Variants in PALS1 observed in about 807,000 individuals in gnomAD.
PALS1 encodes protein associated with LIN7 1, MAGUK p55 family member, also known as protein PALS1.
Under a neutral mutation model 78.9 loss-of-function variants are expected in PALS1, and 31 were observed. The observed-to-expected ratio is 0.39, with a 90% CI of 0.30 to 0.53. The LOEUF is 0.53. PALS1 is among the 20% of genes least tolerant of loss of function. The probability of loss-of-function intolerance (pLI) is 0.67; values close to 1 mark genes in which losing one functional copy is unlikely to be tolerated. For missense variants in PALS1, 704 were observed against 826.5 expected (o/e 0.85, Z 1.82); for synonymous variants, 276 against 270.9 (o/e 1.02, Z -0.18).
intron 14 of PALS1, among the ~76,000 whole-genome samples, chr14:67,331,202 G>A (rs778960441): frequency 1.3e-5 from 2 of 151,908 alleles, no homozygotes; most frequent in Non-Finnish European, 2.9e-5. Flanking sequence ...GCACCATCAC[G>A]CCTGGCTATT....
chr14:67,278,957 G>C (rs1319989423), intron 2 of PALS1, 61 bp from the exon 3 acceptor site: 9 of 434,866 alleles, frequency 2.1e-5, no homozygotes, highest in South Asian at 4.3e-5. Context: ...AGTGGGCTCT[G>C]TAAAAACCTG....
intron 4 of PALS1, 43 bp downstream of exon 4, chr14:67,292,762 G>C (rs763132306): frequency 1.0e-5 from 15 of 1,473,134 alleles, no homozygotes; most frequent in Middle Eastern, 1.7e-4. Context: ...AAGGTAATTA[G>C]TAGTGGCAGG....
intron 3 of PALS1, among the ~76,000 whole-genome samples, chr14:67,284,570 A>C (rs28524161): frequency 2.5e-4 from 28 of 113,952 alleles, no homozygotes; most frequent in South Asian, 2.0e-3. Flanking sequence ...AAAAAAAAAA[A>C]AAAAAAAAAA....
chr14:67,316,680 T>G, intron 9 of PALS1, 152 bp from the exon 10 acceptor site: 1 of 526,172 alleles, frequency 1.9e-6, no homozygotes, highest in Non-Finnish European at 3.3e-6. Flanking sequence ...GGCTTACACA[T>G]CATAGCTGAC....
intron 9 of PALS1, among the ~76,000 whole-genome samples, chr14:67,315,491 T>C (rs1206188872): frequency 1.3e-5 from 2 of 152,122 alleles, no homozygotes; most frequent in African/African-American, 4.8e-5. Context: ...TTAGCCAGGA[T>C]GGTCTTGATC....
intron 1 of PALS1, among the ~76,000 whole-genome samples, chr14:67,253,689 A>T (rs533819815): frequency 6.6e-5 from 10 of 152,158 alleles, no homozygotes; most frequent in Non-Finnish European, 1.3e-4. Flanking sequence ...TACAAAAAAT[A>T]CAAAAAAATT....
rs1388252226 is a variant in PALS1 at position 67,335,361 on chromosome 14, G to A, written c.*2405G>A. The stretch of plus-strand genomic sequence containing the variant: ...GGCCAATTCCATTTCCTGTCCCTCT[G>A]TGGTTCTGACTGGAGACCCCAGTGT... On this transcript the variant is annotated 3_prime_UTR_variant, in exon 15 of 15. Transcript: ENST00000261681. The A allele has an allele frequency of 6.6e-6, 1 of 152,178 alleles. No homozygotes were observed. The highest frequency in any genetic ancestry group is 1.5e-5 in the Non-Finnish European group (1 of 68,038). 9.4% of individuals were successfully genotyped at this position (152,178 alleles called of 1,614,324 possible).
Position 67,301,370 on chromosome 14 carries a change from C to G in PALS1, c.577-19C>G. ...CTTCCTATAATCTAGGAAGAATAAT[C>G]TTTATTTTTGTTTCTTAGGTACAAA... On this transcript the variant is annotated intron_variant, in intron 4 of 14. Transcript: ENST00000261681. The G allele has an allele frequency of 6.3e-7, 1 of 1,575,352 alleles. No homozygotes were observed. The highest frequency in any genetic ancestry group is 8.7e-7 in the Non-Finnish European group (1 of 1,150,016).
At chr14:67,298,608 T>C (rs772524188) in intron 4 of PALS1, among the ~76,000 whole-genome samples, 3 of 152,154 alleles carry the variant, frequency 2.0e-5, no homozygotes, top group East Asian at 3.8e-4. Flanking sequence ...GGTATATACA[T>C]AGAAATTTTC....
intron 13 of PALS1, among the ~76,000 whole-genome samples, chr14:67,321,849 A>G (rs2085268586): frequency 6.6e-6 from 1 of 152,218 alleles, no homozygotes; most frequent in African/African-American, 2.4e-5. Context: ...AATACAGTAA[A>G]TATAGTATTG....
intron 9 of PALS1, 90 bp from the exon 10 acceptor site, chr14:67,316,742 A>C (rs998950026): frequency 5.2e-5 from 49 of 940,050 alleles, no homozygotes; most frequent in Middle Eastern, 3.1e-4. Flanking sequence ...GTGAAGAGAT[A>C]TGTCTAGTGT....
intron 1 of PALS1, among the ~76,000 whole-genome samples, chr14:67,250,083 C>T (rs138376463): frequency 2.1e-3 from 316 of 152,190 alleles, no homozygotes; most frequent in African/African-American, 7.2e-3. Flanking sequence ...GATTTTATGG[C>T]ACACAAATGG....
intron 8 of PALS1, among the ~76,000 whole-genome samples, chr14:67,307,247 TA>T (rs200960288): frequency 0.03 from 4,570 of 152,156 alleles, 85 homozygotes; most frequent in Non-Finnish European, 0.036. Context: ...TCGGCCTTTT[TA>T]AAAAAAGGAA....
chr14:67,322,279 C>T (rs146818272), intron 13 of PALS1, among the ~76,000 whole-genome samples: 50 of 152,010 alleles, frequency 3.3e-4, no homozygotes, highest in African/African-American at 1.1e-3. Flanking sequence ...GCCAGGGAGG[C>T]GGAGATTGCA....
chr14:67,322,445 T>G (rs1335481109), intron 13 of PALS1, among the ~76,000 whole-genome samples: 1 of 152,192 alleles, frequency 6.6e-6, no homozygotes, highest in East Asian at 1.9e-4. Context: ...ACCATACAGC[T>G]TTAGCATACG....
At chr14:67,250,762 A>G (rs534857861) in intron 1 of PALS1, among the ~76,000 whole-genome samples, 1 of 152,324 alleles carries the variant, frequency 6.6e-6, no homozygotes, top group African/African-American at 2.4e-5. Context: ...AACGAAAATA[A>G]ATTTCATAGT....
intron 4 of PALS1, among the ~76,000 whole-genome samples, chr14:67,293,490 T>C (rs1258885158): frequency 2.0e-5 from 3 of 152,156 alleles, no homozygotes; most frequent in African/African-American, 7.2e-5. Flanking sequence ...ACAGAACCTA[T>C]AAAATAGGTT....
At chr14:67,332,653 C>T in intron 14 of PALS1, 127 bp from the exon 15 acceptor site, 1 of 915,042 alleles carries the variant, frequency 1.1e-6, no homozygotes, top group South Asian at 2.0e-5. Context: ...GAAAGGAGCT[C>T]CTGAGGTTGG....
intron 11 of PALS1, 65 bp from the exon 12 acceptor site, chr14:67,320,165 A>G: frequency 7.0e-7 from 1 of 1,425,898 alleles, no homozygotes; most frequent in Non-Finnish European, 9.4e-7. Context: ...AAGATCTATG[A>G]GTATTTATAT....
Sources: gnomAD v4.1 joint callset for allele counts (sites outside exome capture counted in the v4.1 genomes callset) on GRCh38, gnomAD v4.1.1 for gene constraint, MANE v1.5 for transcripts, NCBI Gene and HGNC (gene_info 2026-07-23, HGNC 2026-07-21) for gene names.